The following TASP1 variants were observed in gnomAD, a reference collection of about 807,000 sequenced individuals.
TASP1 encodes taspase 1, also known as threonine aspartase 1.
In TASP1, 16 loss-of-function variants were observed where a neutral mutation model predicts 56.6. The ratio of observed to expected loss-of-function variants is 0.28; its 90% CI spans 0.19 to 0.43. The LOEUF (loss-of-function observed/expected upper bound fraction) is 0.43. TASP1 is among the 20% of genes least tolerant of loss of function. The probability of loss-of-function intolerance (pLI) is 1.00; values close to 1 mark genes in which losing one functional copy is unlikely to be tolerated. For missense variants in TASP1, 393 were observed against 511.6 expected (o/e 0.77, Z 2.24); for synonymous variants, 179 against 184.2 (o/e 0.97, Z 0.23).
At chr20:13,506,069 C>T (rs2044119326) in intron 10 of TASP1, among the ~76,000 whole-genome samples, 1 of 149,662 alleles carries the variant, frequency 6.7e-6, no homozygotes, top group African/African-American at 2.6e-5. Flanking sequence ...AGACACATTA[C>T]AACTGATACC....
Position 13,400,485 on chromosome 20 carries a change from A to T in TASP1, c.1171-10033T>A, listed in dbSNP as rs2041696124. On this transcript the variant is annotated intron_variant, in intron 13 of 13. Coordinates refer to ENST00000337743, the MANE Select transcript of TASP1 (RefSeq NM_017714.3). ...ATCTGTTTTAGGAAGCACATTTAAAATAACATTAATTTTCTATTTCAAATG... is the reference window on the plus strand; with the variant it reads ...ATCTGTTTTAGGAAGCACATTTAAATTAACATTAATTTTCTATTTCAAATG... 2.0e-5 allele frequency among the ~76,000 whole-genome samples: 3 copies of T among 152,364 alleles called. No individual in the cohort carries two copies. The South Asian group carries it at 6.2e-4, about 32-fold the overall frequency.
the TASP1 span, among the ~76,000 whole-genome samples, chr20:13,211,663 T>C: frequency 0.11 from 16,131 of 152,154 alleles, 1,189 homozygotes; most frequent in East Asian, 0.29. Flanking sequence ...ATAATCATAA[T>C]GAGAGAGCCA....
chr20:13,275,903 T>G, the TASP1 span, among the ~76,000 whole-genome samples: 1 of 152,188 alleles, frequency 6.6e-6, no homozygotes, highest in Non-Finnish European at 1.5e-5. Context: ...CCAGTTTCCG[T>G]CCCTGAAAAT....
intron 4 of TASP1, among the ~76,000 whole-genome samples, chr20:13,592,635 T>C (rs76345522): frequency 0.011 from 1,650 of 152,306 alleles, 25 homozygotes; most frequent in Non-Finnish European, 0.012. Context: ...TGTTGATAAA[T>C]TTTATTAATC....
the TASP1 span, among the ~76,000 whole-genome samples, chr20:13,335,667 T>C: frequency 4.6e-5 from 7 of 152,030 alleles, no homozygotes; most frequent in Admixed American, 3.3e-4. Flanking sequence ...TATCATGCTG[T>C]TGTGAGTAAT....
chr20:13,498,328 CTT>C (rs1268361624), intron 10 of TASP1, among the ~76,000 whole-genome samples: 16 of 99,832 alleles, frequency 1.6e-4, no homozygotes, highest in Non-Finnish European at 2.1e-4. Flanking sequence ...TTTTTCTTTT[CTT>C]TTGTGTGTGT....
intron 2 of TASP1, among the ~76,000 whole-genome samples, chr20:13,627,131 A>G (rs1022091682): frequency 2.0e-5 from 3 of 152,194 alleles, no homozygotes; most frequent in African/African-American, 7.2e-5. Context: ...GTTAAGATTA[A>G]AAAGCGTTTA....
chr20:13,227,959 CT>C, the TASP1 span, among the ~76,000 whole-genome samples: 5,777 of 128,888 alleles, frequency 0.045, 66 homozygotes, highest in African/African-American at 0.073. Flanking sequence ...CTGCTGCTGC[CT>C]TTTTTTTTTT....
chr20:13,122,568 T>C, the TASP1 span, among the ~76,000 whole-genome samples: 1 of 152,228 alleles, frequency 6.6e-6, no homozygotes, highest in Admixed American at 6.5e-5. Flanking sequence ...GGAATAATTG[T>C]GTAAACTTTT....
chr20:13,299,192 G>T, the TASP1 span: 1 of 1,605,502 alleles, frequency 6.2e-7, no homozygotes, highest in Non-Finnish European at 8.5e-7. The surrounding 1 kb of genome is among the most constrained non-coding windows in gnomAD (Gnocchi z 5.8). Context: ...TGTCCCTGGA[G>T]AGCACCACGC....
At chr20:13,421,953 C>CTTATTTTTTTTTTTTTT (rs1246920761) in intron 12 of TASP1, among the ~76,000 whole-genome samples, 4 of 139,042 alleles carry the variant, frequency 2.9e-5, no homozygotes, top group African/African-American at 8.1e-5. Context: ...TCTGTTTAAC[C>CTTATTTTTTTTTTTTTT]TTTTTTTTTT....
the TASP1 span, chr20:13,168,293 C>A: frequency 1.3e-5 from 2 of 151,822 alleles, no homozygotes; most frequent in African/African-American, 4.8e-5. Context: ...AAGCGATTCT[C>A]CTGCCTCAGC....
intron 1 of TASP1, among the ~76,000 whole-genome samples, chr20:13,638,510 A>T (rs890770498): frequency 4.6e-5 from 7 of 151,018 alleles, no homozygotes; most frequent in African/African-American, 1.7e-4. Context: ...CTTACCCCCA[A>T]CCCGCCACCC....
chr20:13,392,549 A>G (rs913186712), intron 13 of TASP1: 12 of 256,300 alleles, frequency 4.7e-5, no homozygotes, highest in Non-Finnish European at 9.2e-5. Flanking sequence ...GGAAATGCTG[A>G]GTGGGTAAAT....
intron 10 of TASP1, among the ~76,000 whole-genome samples, chr20:13,499,217 C>T (rs934948500): frequency 6.6e-6 from 1 of 151,962 alleles, no homozygotes; most frequent in African/African-American, 2.4e-5. Flanking sequence ...AAACAGAAAA[C>T]CAAATACCAC....
chr20:13,316,940 T>C, the TASP1 span, among the ~76,000 whole-genome samples: 1 of 150,294 alleles, frequency 6.7e-6, no homozygotes, highest in Non-Finnish European at 1.5e-5. Context: ...TCTAATGCAA[T>C]AAGACAAGAA....
chr20:13,125,263 G>A, the TASP1 span, among the ~76,000 whole-genome samples: 1 of 152,174 alleles, frequency 6.6e-6, no homozygotes, highest in East Asian at 1.9e-4. Flanking sequence ...GCATACAGGT[G>A]AAAAATGGCT....
At chr20:13,245,442 T>C in the TASP1 span, 1 of 152,206 alleles carries the variant, frequency 6.6e-6, no homozygotes, top group Non-Finnish European at 1.5e-5. Flanking sequence ...CATTCCATCA[T>C]GTTTGCCATA....
chr20:13,312,988 A>G, the TASP1 span, among the ~76,000 whole-genome samples: 1 of 152,166 alleles, frequency 6.6e-6, no homozygotes, highest in Non-Finnish European at 1.5e-5. Flanking sequence ...TGGAGGAAGT[A>G]AAATTTGAGC....
Sources: allele counts gnomAD v4.1 joint callset (sites outside exome capture counted in the v4.1 genomes callset), GRCh38; gene constraint gnomAD v4.1.1; non-coding constraint Gnocchi (gnomAD v3.1); transcripts MANE v1.5; gene names NCBI Gene and HGNC (gene_info 2026-07-23, HGNC 2026-07-21).